The following PADI3 variants were observed in gnomAD, a reference collection of about 807,000 sequenced individuals.
PADI3 encodes the protein peptidyl arginine deiminase 3, also known as protein-arginine deiminase type-3.
A neutral mutation model predicts 71.5 loss-of-function variants in PADI3; 53 were observed. That is an observed-to-expected ratio of 0.74 (90% CI 0.59 to 0.93). The LOEUF is 0.93. PADI3 is among the 40% of genes least tolerant of loss of function. The pLI, the probability that PADI3 is intolerant of heterozygous loss-of-function variation, is 0.00. For missense variants in PADI3, 821 were observed against 868.0 expected (o/e 0.95, Z 0.68); for synonymous variants, 361 against 347.5 (o/e 1.04, Z -0.43).
At chr1:17,280,891 TGTG>T in intron 15 of PADI3, 95 bp downstream of exon 15, 1 of 1,487,984 alleles carries the variant, frequency 6.7e-7, no homozygotes, top group Non-Finnish European at 9.2e-7. Flanking sequence ...TATTTAGGAT[TGTG>T]GTGGCCAGTG....
chr1:17,274,046 G>C (rs1049422896), intron 10 of PADI3, among the ~76,000 whole-genome samples: 1 of 152,168 alleles, frequency 6.6e-6, no homozygotes, highest in African/African-American at 2.4e-5. Context: ...TGCTAACGAG[G>C]ACCTCTTGAG....
At chr1:17,256,895 C>T (rs749608274) in intron 1 of PADI3, among the ~76,000 whole-genome samples, 25 of 151,792 alleles carry the variant, frequency 1.6e-4, no homozygotes, top group Non-Finnish European at 2.6e-4. Context: ...TAGCCGGACA[C>T]GGTGGTGGGC....
At chr1:17,269,544 G>T (rs568583198) in intron 6 of PADI3, among the ~76,000 whole-genome samples, 11 of 152,132 alleles carry the variant, frequency 7.2e-5, no homozygotes, top group Non-Finnish European at 1.3e-4. Context: ...AATGAATATC[G>T]AGCACTCTTG....
At chr1:17,271,849 AAAAAAAG>A (rs1257173888) in intron 9 of PADI3, among the ~76,000 whole-genome samples, 10 of 146,962 alleles carry the variant, frequency 6.8e-5, no homozygotes, top group Non-Finnish European at 1.0e-4. Context: ...AAAAAAAAAA[AAAAAAAG>A]AGAGAGAGAG....
chr1:17,253,371 C>T (rs1053231564), intron 1 of PADI3, among the ~76,000 whole-genome samples: 4 of 152,196 alleles, frequency 2.6e-5, no homozygotes, highest in African/African-American at 9.7e-5. Flanking sequence ...TCTAAGACAC[C>T]TCGAAGAGGG....
chr1:17,264,217 T>C (rs2073135971), intron 3 of PADI3, among the ~76,000 whole-genome samples: 1 of 152,014 alleles, frequency 6.6e-6, no homozygotes. Flanking sequence ...AGGAGTGAGG[T>C]TGGGCATTCC....
intron 9 of PADI3, among the ~76,000 whole-genome samples, chr1:17,272,491 T>A (rs927080785): frequency 2.0e-5 from 3 of 152,200 alleles, no homozygotes; most frequent in African/African-American, 7.2e-5. Context: ...TTTATTTTTT[T>A]AAATTAATAT....
chr1:17,267,957 T>A lies in PADI3; in HGVS notation c.647T>A (p.Ile216Asn), dbSNP rs1207371228. 1 of 1,614,158 alleles carries A rather than the reference T, an allele frequency of 6.2e-7. No homozygotes were observed. Among genetic ancestry groups the A allele is most frequent in the Non-Finnish European group, 8.5e-7 (1 of 1,180,044 alleles). The change falls in exon 6 of 16, where the codon ATC becomes AAC. Residue 216 changes from isoleucine to asparagine, a missense_variant. Physicochemically the swap from Ile to Asn is moderately radical, Grantham distance 149. Coordinates refer to ENST00000375460, the MANE Select transcript of PADI3 (RefSeq NM_016233.2). ...GCCAAACGGGCACAGGTCTTCCACATCTGCGGTGAGTTTGTGCCACTGCCC... is the reference window on the plus strand; with the variant it reads ...GCCAAACGGGCACAGGTCTTCCACAACTGCGGTGAGTTTGTGCCACTGCCC... ...YDAKRAQVFH[I>N]CGPEDVCEAY...
At chr1:17,277,595 C>T (rs1557514264) in intron 13 of PADI3, among the ~76,000 whole-genome samples, 1 of 152,236 alleles carries the variant, frequency 6.6e-6, no homozygotes, top group Non-Finnish European at 1.5e-5. Context: ...TCCCAGCCTC[C>T]CTGCCTCCCT....
intron 10 of PADI3, 83 bp downstream of exon 10, chr1:17,273,530 G>A (rs1028202124): frequency 1.2e-6 from 1 of 812,560 alleles, no homozygotes; most frequent in East Asian, 2.6e-5. Context: ...GGTACAGAGG[G>A]CAGCAGTGGG....
At chr1:17,272,073 C>T (rs1254931549) in intron 9 of PADI3, among the ~76,000 whole-genome samples, 1 of 152,142 alleles carries the variant, frequency 6.6e-6, no homozygotes, top group African/African-American at 2.4e-5. Flanking sequence ...AGCATCATTT[C>T]ATCTTCTTGA....
In PADI3 at chr1:17,264,119, T is replaced by C. The variant is rs150012772; in HGVS notation, c.347-1540T>C. Among the ~76,000 whole-genome samples the C allele has an allele frequency of 2.7e-3, 407 of 152,346 alleles. 3 individuals are homozygous for C. The highest frequency in any genetic ancestry group is 0.01 in the Middle Eastern group (3 of 294). ...TATACATGTCTGCCAACTGCATATA[T>C]GCTTTGCCAACACTGCATTAGCAAC... On this transcript the variant is annotated intron_variant, in intron 3 of 15. Coordinates refer to ENST00000375460, the MANE Select transcript of PADI3 (RefSeq NM_016233.2).
intron 1 of PADI3, among the ~76,000 whole-genome samples, chr1:17,250,263 C>G (rs1350364994): frequency 6.6e-6 from 1 of 152,158 alleles, no homozygotes; most frequent in Non-Finnish European, 1.5e-5. Flanking sequence ...TCAACCTCAG[C>G]ACTGCTGTCA....
At chr1:17,281,582 T>C (rs1209233055) in intron 15 of PADI3, among the ~76,000 whole-genome samples, 1 of 150,996 alleles carries the variant, frequency 6.6e-6, no homozygotes, top group Non-Finnish European at 1.5e-5. Flanking sequence ...GTAGCTGGGA[T>C]TGTGGGATTG....
At chr1:17,258,537 C>G (rs1349365782) in intron 1 of PADI3, among the ~76,000 whole-genome samples, 5 of 152,258 alleles carry the variant, frequency 3.3e-5, no homozygotes, top group African/African-American at 1.2e-4. Flanking sequence ...GTTGTTTGAC[C>G]AAATCCGGCC....
chr1:17,265,614 C>G (rs764229238), intron 3 of PADI3, 45 bp from the exon 4 acceptor site: 1 of 1,569,526 alleles, frequency 6.4e-7, no homozygotes, highest in Admixed American at 1.7e-5. Flanking sequence ...CTGCCCTGGG[C>G]TCCTGGGAAC....
At chr1:17,256,164 G>T (rs758545051) in intron 1 of PADI3, among the ~76,000 whole-genome samples, 1 of 152,100 alleles carries the variant, frequency 6.6e-6, no homozygotes, top group Non-Finnish European at 1.5e-5. Flanking sequence ...CTCCAGACCC[G>T]TTTCCTGCAC....
chr1:17,276,573 G>T lies in PADI3; in HGVS notation c.1362G>T (p.Lys454Asn). The change falls in exon 12 of 16, where the codon AAG becomes AAT. Residue 454 changes from lysine to asparagine, a missense_variant. Physicochemically the swap from Lys to Asn is moderately conservative, Grantham distance 94. Coordinates refer to ENST00000375460, the MANE Select transcript of PADI3 (RefSeq NM_016233.2). ...TGCGGGACTTCCTCCATGCCCAGAAGGTGCAGCCCCCCGTGGAGCTCTTTG... is the reference window on the plus strand; with the variant it reads ...TGCGGGACTTCCTCCATGCCCAGAATGTGCAGCCCCCCGTGGAGCTCTTTG... ...QVVRDFLHAQ[K>N]VQPPVELFVD... 1 of 1,614,206 alleles carries T rather than the reference G, an allele frequency of 6.2e-7. No individual in the cohort carries two copies. Among genetic ancestry groups the T allele is most frequent in the Non-Finnish European group, 8.5e-7 (1 of 1,180,048 alleles).
At position 17,266,757 on chromosome 1, in the gene PADI3, CTT is replaced by C. The variant is rs1557504921; in HGVS notation, c.448_449del (p.Leu150AlafsTer5). 3 of 1,614,150 alleles carry C rather than the reference CTT, an allele frequency of 1.9e-6. No homozygotes were observed. The highest frequency in any genetic ancestry group is 2.5e-6 in the Non-Finnish European group (3 of 1,180,010). On this transcript the variant is annotated frameshift_variant, in exon 5 of 16. Coordinates refer to ENST00000375460, the MANE Select transcript of PADI3 (RefSeq NM_016233.2). LOFTEE classifies it high-confidence loss of function. ...VWGPSGYGGI[L>X]LVNCDRDDPS... ...GGGGGCCCAGTGGGTATGGCGGCATCTTGCTGGTGAACTGTGACCGTGATGAT... is the reference window on the plus strand; with the variant it reads ...GGGGGCCCAGTGGGTATGGCGGCATCGCTGGTGAACTGTGACCGTGATGAT...
Sources: gnomAD v4.1 joint callset for allele counts (sites outside exome capture counted in the v4.1 genomes callset) on GRCh38, gnomAD v4.1.1 for gene constraint, MANE v1.5 for transcripts, NCBI Gene and HGNC (gene_info 2026-07-23, HGNC 2026-07-21) for gene names.